Variants in NSD2 observed in about 807,000 individuals in gnomAD.
The protein encoded by NSD2 is nuclear receptor binding SET domain protein 2, also known as histone-lysine N-methyltransferase NSD2.
A neutral mutation model predicts 139.0 loss-of-function variants in NSD2; 12 were observed. The observed-to-expected ratio is 0.09, with a 90% confidence interval of 0.06 to 0.14. The LOEUF is 0.14. Ranked by LOEUF, NSD2 falls within the 10% of genes least tolerant of loss-of-function variation. NSD2 has a pLI of 1.00. For synonymous variants in NSD2, 669 were observed against 648.7 expected, an observed-to-expected ratio of 1.03 and a Z score of -0.48; for missense variants, 1,155 against 1,745.0, an observed-to-expected ratio of 0.66 and a Z score of 6.02.
chr4:1,885,722 C>T (rs1330293012), intron 1 of NSD2, among the ~76,000 whole-genome samples: 3 of 152,030 alleles, frequency 2.0e-5, no homozygotes, highest in African/African-American at 7.2e-5. Flanking sequence ...TCTTGGTACC[C>T]ATGCACTGCT....
At chr4:1,917,979 C>T (rs1426031214) in intron 4 of NSD2, among the ~76,000 whole-genome samples, 162 bp from the exon 5 acceptor site, 1 of 151,400 alleles carries the variant, frequency 6.6e-6, no homozygotes, top group African/African-American at 2.4e-5. Flanking sequence ...TGGGGTTTTG[C>T]CATGTTGACC....
At chr4:1,884,942 CTACTAAAAA>C (rs1246886980) in intron 1 of NSD2, among the ~76,000 whole-genome samples, 2 of 151,614 alleles carry the variant, frequency 1.3e-5, no homozygotes, top group Admixed American at 6.6e-5. Flanking sequence ...AACCCTGTCT[CTACTAAAAA>C]TACTAAAAAT....
rs1357281168 is a variant in NSD2, at chr4:1,938,377, CT to C, written c.1675-65del. ...TTCTTTTCCTTTTGTTGTTCTTTTT[CT>C]TTTTTTTTCCTTTTTTTCTTTTCTT... On this transcript the variant is annotated intron_variant, in intron 7 of 21. Coordinates refer to ENST00000508803, the MANE Select transcript of NSD2 (RefSeq NM_001042424.3). 411 of 978,330 alleles carry C rather than the reference CT, an allele frequency of 4.2e-4. 3 individuals carry two copies. The South Asian group carries it at 5.8e-3, about 14-fold the overall frequency. The allele number at this position is 978,330 out of a possible 1,614,324, so 60.6% of individuals were successfully genotyped here.
chr4:1,978,648 A>C lies in NSD2; in HGVS notation c.3837A>C (p.Glu1279Asp), dbSNP rs146059943. The C allele has an allele frequency of 6.2e-7, 1 of 1,607,620 alleles. No individual in the cohort carries two copies. ...GLGKRPFGKWECPWHHCDVCG... is the reference protein window; with the variant it reads ...GLGKRPFGKWDCPWHHCDVCG... ...TGTGTTCTGTTGCAGGGAAGTGGGA[A>C]TGTCCTTGGCATCATTGTGACGTGT... The change falls in exon 22 of 22, where the codon GAA (glutamate) becomes GAC (aspartate). Residue 1279 changes from glutamate to aspartate, a missense_variant. Physicochemically the swap from Glu to Asp is conservative, Grantham distance 45. Around this residue, in one of 8 missense-constraint regions of NSD2, gnomAD observed 25 missense variants for 75.1 expected, o/e 0.33. Transcript: ENST00000508803.
intron 18 of NSD2, among the ~76,000 whole-genome samples, chr4:1,969,006 C>T (rs1281431639): frequency 6.6e-6 from 1 of 152,224 alleles, no homozygotes; most frequent in Non-Finnish European, 1.5e-5. Context: ...ACAGACCCAT[C>T]CACTGAAAGT....
chr4:1,901,333 CT>C (rs757018945), intron 2 of NSD2, 82 bp downstream of exon 2: 64 of 1,255,856 alleles, frequency 5.1e-5, no homozygotes, highest in Non-Finnish European at 6.3e-5. Flanking sequence ...TGCACGAGTA[CT>C]GGGGCGGGCG....
Position 1,947,962 on chromosome 4 carries a change from G to A in NSD2, c.1882-3110G>A, listed in dbSNP as rs1444717021. The A allele has an allele frequency of 2.9e-5, 31 of 1,056,534 alleles. No homozygotes were observed. The Admixed American group carries it at 4.9e-4, about 17-fold the overall frequency. The allele number at this position is 1,056,534 out of a possible 1,614,324, so 65.4% of individuals were successfully genotyped here. ...CATACAGGTCACCCTGAAGGGCCAC[G>A]TGCTTTTAGCAGTTGGCTGGAATGT... On this transcript the variant is annotated intron_variant, in intron 9 of 21. Transcript: ENST00000508803.
chr4:1,937,907 G>A (rs531809999), intron 7 of NSD2, among the ~76,000 whole-genome samples: 1 of 152,216 alleles, frequency 6.6e-6, no homozygotes, highest in Admixed American at 6.5e-5. Context: ...ATGTTTTACT[G>A]ATGATCTTTG....
intron 1 of NSD2, among the ~76,000 whole-genome samples, chr4:1,889,504 CTT>C (rs768102024): frequency 8.4e-5 from 12 of 142,310 alleles, no homozygotes; most frequent in African/African-American, 1.3e-4. Context: ...CAAGATTTGA[CTT>C]TTTTTTTTTT....
At chr4:1,906,654 CTTTTTTTTTTTTTTT>C (rs537619996) in intron 3 of NSD2, among the ~76,000 whole-genome samples, 1 of 99,910 alleles carries the variant, frequency 1.0e-5, no homozygotes, top group Admixed American at 1.2e-4. Context: ...CTCTCTCTCT[CTTTTTTTTTTTTTTT>C]TTTTTTTTTG....
chr4:1,872,587 TGTGTGAGAGAGAGAGAGAGAGAGA>T (rs1482616577), intron 1 of NSD2, among the ~76,000 whole-genome samples: 4 of 50,086 alleles, frequency 8.0e-5, no homozygotes, highest in African/African-American at 2.4e-4. Flanking sequence ...TGTGTGTGTG[TGTGTGAGAGAGAGAGAGAGAGAGA>T]GAGAGAGAGA....
chr4:1,890,331 C>T (rs553894482), intron 1 of NSD2, among the ~76,000 whole-genome samples: 31 of 151,936 alleles, frequency 2.0e-4, no homozygotes, highest in Admixed American at 2.0e-4. Flanking sequence ...TGGCGTCTCG[C>T]TCTGTCGCCT....
rs1193724384 is a variant in NSD2, at chr4:1,956,357, A to G, written c.2881+169A>G. Among the ~76,000 whole-genome samples, 3 of 152,250 alleles carry G rather than the reference A, an allele frequency of 2.0e-5. No homozygotes were observed. The East Asian group carries it at 5.8e-4, about 29-fold the overall frequency. On this transcript the variant is annotated intron_variant, in intron 15 of 21. Transcript: ENST00000508803. This position sits in a 1 kb window ranked among gnomAD's most constrained non-coding sequence, Gnocchi z 5.3. ...GTCTGGTTTATTTGTTGAGCATAGA[A>G]TAAGATACACTGATAACTTTTGTAA...
chr4:1,927,439 A>G (rs2108841970), intron 5 of NSD2, among the ~76,000 whole-genome samples: 1 of 151,980 alleles, frequency 6.6e-6, no homozygotes, highest in Middle Eastern at 3.4e-3. Flanking sequence ...TGGGGGGAGC[A>G]CAGTGCAGTG....
intron 9 of NSD2, chr4:1,945,641 C>G (rs1723548350): frequency 1.9e-6 from 2 of 1,063,994 alleles, no homozygotes; most frequent in Non-Finnish European, 2.3e-6. Context: ...CCTCTGTGTC[C>G]CGGCATGGAA....
chr4:1,873,610 T>TA (rs964249271), intron 1 of NSD2, among the ~76,000 whole-genome samples: 3 of 152,226 alleles, frequency 2.0e-5, no homozygotes, highest in Admixed American at 6.5e-5. Context: ...CTGTGGGGCT[T>TA]ACATGGGTAC....
chr4:1,880,986 C>T (rs1714655605), intron 1 of NSD2, among the ~76,000 whole-genome samples: 2 of 152,036 alleles, frequency 1.3e-5, no homozygotes, highest in South Asian at 4.1e-4. Context: ...TTTAGTAATT[C>T]CTCCCTTTTA....
At chr4:1,961,449 G>A (rs1333254389) in intron 18 of NSD2, among the ~76,000 whole-genome samples, 1 of 152,170 alleles carries the variant, frequency 6.6e-6, no homozygotes, top group African/African-American at 2.4e-5. Context: ...ACACAGATGA[G>A]GAAGTCTCAG....
chr4:1,968,749 C>T (rs781491226), intron 18 of NSD2, among the ~76,000 whole-genome samples: 4 of 152,264 alleles, frequency 2.6e-5, no homozygotes, highest in Non-Finnish European at 2.9e-5. Flanking sequence ...AAGGCTCCCA[C>T]AGGCCTTAAT....
Sources: gnomAD v4.1 joint callset for allele counts (sites outside exome capture counted in the v4.1 genomes callset) on GRCh38, gnomAD v4.1.1 for gene constraint, gnomAD v4.1.1 regional missense constraint, Gnocchi (gnomAD v3.1) non-coding constraint, MANE v1.5 for transcripts, NCBI Gene and HGNC (gene_info 2026-07-23, HGNC 2026-07-21) for gene names.